Variants in ZNF584 observed in about 807,000 individuals in gnomAD.
ZNF584 encodes the protein zinc finger protein 584.
Under a neutral mutation model 14.7 loss-of-function variants are expected in ZNF584, and 12 were observed. That is an observed-to-expected ratio of 0.82 (90% confidence interval 0.52 to 1.32). ZNF584 has a LOEUF of 1.32. Ranked by LOEUF, ZNF584 falls within the 40% of genes most tolerant of loss-of-function variation. The pLI, the probability that ZNF584 is intolerant of heterozygous loss-of-function variation, is 0.00. For synonymous variants in ZNF584, 204 were observed against 190.9 expected, an observed-to-expected ratio of 1.07 and a Z score of -0.57; for missense variants, 478 against 518.8, an observed-to-expected ratio of 0.92 and a Z score of 0.76.
At chr19:58,408,463 TGCC>T (rs1201680749), upstream of ZNF584, 1 of 152,330 alleles carries the variant, frequency 6.6e-6, no homozygotes, top group Non-Finnish European at 1.5e-5. Flanking sequence ...ATGATCCCAC[TGCC>T]GCAAACCGCC....
upstream of ZNF584, chr19:58,404,428 GA>G (rs2052450560): frequency 6.6e-6 from 1 of 152,562 alleles, no homozygotes; most frequent in Non-Finnish European, 1.4e-5. Context: ...AGGGAGTGGT[GA>G]TGACTCTTAA....
In ZNF584 at chr19:58,415,529, G is replaced by C. The variant is rs779770980; in HGVS notation, c.175G>C (p.Ala59Pro). Residue 59 changes from alanine (A) to proline (P), a missense_variant, in exon 3 of 4, where the codon GCA (alanine) becomes CCA (proline). By Grantham distance (27) the Ala-to-Pro change is conservative (BLOSUM62 -1). Transcript: ENST00000306910. The part of the protein sequence containing the change: ...NFALVSSLGL[A>P]PSRSPVFTQL... ...TTACTACCTGTCACCCGCAGGACTT[G>C]CACCTTCGAGATCCCCTGTGTTTAC... 5 of 1,612,236 alleles carry C rather than the reference G, an allele frequency of 3.1e-6. No homozygotes were observed. The South Asian group carries it at 3.3e-5, about 11-fold the overall frequency.
intron 1 of ZNF584, among the ~76,000 whole-genome samples, chr19:58,409,456 G>T (rs139571636): frequency 0.015 from 2,238 of 152,332 alleles, 20 homozygotes; most frequent in Middle Eastern, 0.031. Flanking sequence ...TGTGCTGGGG[G>T]TGTACAGTTT....
chr19:58,410,720 T>G (rs1483206051), intron 2 of ZNF584, among the ~76,000 whole-genome samples: 2 of 50,414 alleles, frequency 4.0e-5, no homozygotes, highest in Admixed American at 3.5e-4. Flanking sequence ...TATGTGTATA[T>G]ATATATGTAT....
upstream of ZNF584, among the ~76,000 whole-genome samples, chr19:58,407,875 T>G (rs1016293442): frequency 6.6e-6 from 1 of 152,170 alleles, no homozygotes; most frequent in African/African-American, 2.4e-5. Flanking sequence ...AGCCATGTAC[T>G]CACTCTCCTC....
intron 2 of ZNF584, among the ~76,000 whole-genome samples, chr19:58,411,683 C>T (rs73060293): frequency 0.18 from 27,088 of 151,368 alleles, 2,650 homozygotes; most frequent in Non-Finnish European, 0.22. Flanking sequence ...CTTGTTCTGT[C>T]GCCAGGCTGG....
chr19:58,409,965 G>C lies in ZNF584; in HGVS notation c.43G>C (p.Gly15Arg), dbSNP rs140024601. 2.3e-4 allele frequency: 366 copies of C among 1,614,034 alleles called. 1 individual carries two copies. In the Middle Eastern group the frequency reaches 4.1e-3, roughly 18 times the overall value. The change falls in exon 2 of 4, where the codon GGC becomes CGC. Residue 15 changes from glycine (G) to arginine (R), a missense_variant. This residue lies in a region of ZNF584 where 189 missense variants were observed against 177.9 expected (regional missense o/e 1.06). Transcript: ENST00000306910. The part of the protein sequence containing the change: ...AEAQLDPSLQ[G>R]LVMFEDVTVY... ...GGCTCAGTTGGACCCATCATTGCAG[G>C]GCTTGGTGATGTTTGAGGATGTGAC...
Position 58,415,540 on chromosome 19 carries a change from A to G in ZNF584, c.186A>G (p.Arg62=), listed in dbSNP as rs1033217374. Residue 62 remains arginine, a synonymous_variant, in exon 3 of 4, where the codon AGA becomes AGG. Coordinates refer to ENST00000306910, the MANE Select transcript of ZNF584 (RefSeq NM_173548.3). ...LVSSLGLAPS[R]SPVFTQLEDD... ...CACCCGCAGGACTTGCACCTTCGAG[A>G]TCCCCTGTGTTTACCCAGCTGGAGG... The G allele has an allele frequency of 6.2e-6, 10 of 1,612,906 alleles. No individual in the cohort carries two copies. In the African/African-American group the frequency reaches 1.3e-4, roughly 22 times the overall value.
At position 58,417,339 on chromosome 19, in the gene ZNF584, A is replaced by G; in HGVS notation, c.821A>G (p.Lys274Arg). The G allele has an allele frequency of 1.2e-6, 2 of 1,614,214 alleles. No homozygotes were observed. Among genetic ancestry groups the G allele is most frequent in the Admixed American group, 1.7e-5 (1 of 60,030 alleles). The change falls in exon 4 of 4, where the codon AAA becomes AGA. Residue 274 changes from lysine to arginine, a missense_variant. Lys to Arg is a conservative substitution (Grantham distance 26, BLOSUM62 2). This residue lies in a region of ZNF584 where 283 missense variants were observed against 317.3 expected (regional missense o/e 0.89). Transcript: ENST00000306910. ...HTGERPYECSKCGKTFSVLST... is the reference protein window; with the variant it reads ...HTGERPYECSRCGKTFSVLST... ...GGAGAAAGGCCTTACGAGTGCAGCA[A>G]ATGTGGTAAAACCTTCAGTGTTCTG...
At position 58,415,801 on chromosome 19, in the gene ZNF584, C is replaced by A. The variant is rs752436280; in HGVS notation, c.292+155C>A. Reference sequence around the variant, plus strand: ...ATGTGGACACTGTGCAGTCTGCCATCTCTACCATGATTTTCAGGCCCCGCA... The same window carrying A: ...ATGTGGACACTGTGCAGTCTGCCATATCTACCATGATTTTCAGGCCCCGCA... On this transcript the variant is annotated intron_variant, in intron 3 of 3. Coordinates refer to ENST00000306910, the MANE Select transcript of ZNF584 (RefSeq NM_173548.3). The A allele has an allele frequency of 5.6e-6, 9 of 1,607,328 alleles. No individual in the cohort carries two copies. In the East Asian group the frequency reaches 1.6e-4, roughly 28 times the overall value.
chr19:58,413,849 T>TAGA (rs1249461194), intron 2 of ZNF584, among the ~76,000 whole-genome samples: 1 of 151,518 alleles, frequency 6.6e-6, no homozygotes, highest in Non-Finnish European at 1.5e-5. Context: ...GATGGAGTCT[T>TAGA]GCTCTGTCAC....
At chr19:58,413,144 G>A (rs921378378) in intron 2 of ZNF584, among the ~76,000 whole-genome samples, 1 of 151,704 alleles carries the variant, frequency 6.6e-6, no homozygotes, top group African/African-American at 2.4e-5. Flanking sequence ...ATTCGTTTCT[G>A]CTCTAATTTT....
intron 1 of ZNF584, 67 bp from the exon 2 acceptor site, chr19:58,409,874 C>G (rs993310501): frequency 1.9e-6 from 3 of 1,597,516 alleles, no homozygotes; most frequent in African/African-American, 2.7e-5. Context: ...AGATACAGGT[C>G]AAGGGCCTGA....
upstream of ZNF584, chr19:58,405,948 G>A (rs10406124): frequency 0.028 from 5,217 of 183,254 alleles, 296 homozygotes; most frequent in African/African-American, 0.11. Context: ...CGGGGTGGCC[G>A]CCGGGCAGAG....
In ZNF584 at chr19:58,417,663, A is replaced by T; in HGVS notation, c.1145A>T (p.Tyr382Phe). The change falls in exon 4 of 4, where the codon TAT becomes TTT. Residue 382 changes from tyrosine (Y) to phenylalanine (F), a missense_variant. Tyr to Phe is a conservative substitution (Grantham distance 22, BLOSUM62 3). Around this residue, in one of 3 missense-constraint regions of ZNF584, gnomAD observed 283 missense variants for 317.3 expected, o/e 0.89. Coordinates refer to ENST00000306910, the MANE Select transcript of ZNF584 (RefSeq NM_173548.3). Reference protein sequence around the residue: ...HQQFHTEERSYECTECGKAFK... With the variant: ...HQQFHTEERSFECTECGKAFK... ...CAGTTCCACACTGAAGAGAGGTCTT[A>T]TGAATGTACAGAGTGTGGGAAGGCC... 1 of 1,614,084 alleles carries T rather than the reference A, an allele frequency of 6.2e-7. No individual in the cohort carries two copies.
chr19:58,404,396 G>A (rs2122185496), upstream of ZNF584: 1 of 152,820 alleles, frequency 6.5e-6, no homozygotes, highest in East Asian at 1.9e-4. Context: ...CGCAGTGTTT[G>A]TGTCCCTGGG....
intron 2 of ZNF584, among the ~76,000 whole-genome samples, chr19:58,410,657 GTATATATGTA>G (rs2052550531): frequency 1.2e-4 from 2 of 16,252 alleles, no homozygotes. Flanking sequence ...GTATATATGT[GTATATATGTA>G]TATATGTGTA....
At chr19:58,406,772 T>TTCCCC (rs1357880995), upstream of ZNF584, 10 of 152,368 alleles carry the variant, frequency 6.6e-5, no homozygotes, top group African/African-American at 2.4e-4. Flanking sequence ...AGGGCAATCC[T>TTCCCC]GTGGGGGAAT....
Position 58,410,749 on chromosome 19 carries a change from A to G in ZNF584, c.169+658A>G, listed in dbSNP as rs1199724653. Among the ~76,000 whole-genome samples the G allele has an allele frequency of 9.4e-5, 3 of 31,812 alleles. No homozygotes were observed. The African/African-American group carries it at 1.3e-3, about 14-fold the overall frequency. The allele number at this position is 31,812 out of a possible 152,430, so 20.9% of individuals were successfully genotyped here. On this transcript the variant is annotated intron_variant, in intron 2 of 3. Coordinates refer to ENST00000306910, the MANE Select transcript of ZNF584 (RefSeq NM_173548.3). ...TATGTATATATATATATGTGTGTAT[A>G]TATATATATATATGTATATATATAT...
Sources: allele counts gnomAD v4.1 joint callset (sites outside exome capture counted in the v4.1 genomes callset), GRCh38; gene constraint gnomAD v4.1.1; regional missense constraint gnomAD v4.1.1; transcripts MANE v1.5; gene names NCBI Gene and HGNC (gene_info 2026-07-23, HGNC 2026-07-21).